The following VPS13B variants were observed in gnomAD, a reference collection of about 807,000 sequenced individuals.
VPS13B encodes the protein vacuolar protein sorting 13 homolog B.
VPS13B carries 285 observed loss-of-function variants against 426.4 expected under a neutral mutation model. That is an observed-to-expected ratio of 0.67 (90% CI 0.61 to 0.74). VPS13B has a LOEUF of 0.74. Among genes scored for constraint, VPS13B ranks in the 30% least tolerant of loss-of-function variants. The pLI is 0.00. For missense variants in VPS13B, 4,537 were observed against 4,782.6 expected, an observed-to-expected ratio of 0.95 and a Z score of 1.51; for synonymous variants, 1,676 against 1,676.4, an observed-to-expected ratio of 1.00 and a Z score of 0.01.
At chr8:99,401,195 A>G (rs936574716) in intron 21 of VPS13B, among the ~76,000 whole-genome samples, 1 of 152,156 alleles carries the variant, frequency 6.6e-6, no homozygotes, top group Non-Finnish European at 1.5e-5. Flanking sequence ...TTGCTGACAT[A>G]AGGCTAGTAA....
chr8:99,756,847 A>C (rs2130570135), intron 39 of VPS13B, among the ~76,000 whole-genome samples: 1 of 152,352 alleles, frequency 6.6e-6, no homozygotes, highest in East Asian at 1.9e-4. Context: ...ATGGCACATT[A>C]TGGGGTCTAT....
intron 23 of VPS13B, among the ~76,000 whole-genome samples, chr8:99,465,650 A>G (rs1226315203): frequency 3.9e-5 from 6 of 152,092 alleles, no homozygotes; most frequent in Admixed American, 3.3e-4. Context: ...TATAATCCGA[A>G]CTCAGTCCAA....
In VPS13B at chr8:99,662,341, A is replaced by G. The variant is rs143868838; in HGVS notation, c.6046+850A>G. Among the ~76,000 whole-genome samples, 3 of 152,168 alleles carry G rather than the reference A, an allele frequency of 2.0e-5. No homozygotes were observed. In the East Asian group the frequency reaches 5.8e-4, roughly 29 times the overall value. ...CTTAGCTATTTATTTAACAAAAATTATTACATTTCACTTTTTGTTTTGTTA... is the reference window on the plus strand; with the variant it reads ...CTTAGCTATTTATTTAACAAAAATTGTTACATTTCACTTTTTGTTTTGTTA... On this transcript the variant is annotated intron_variant, in intron 35 of 61. Transcript: ENST00000357162.
chr8:99,381,862 C>T (rs573433114), intron 19 of VPS13B, among the ~76,000 whole-genome samples: 2 of 151,724 alleles, frequency 1.3e-5, no homozygotes, highest in East Asian at 3.9e-4. Context: ...CATTTTCTCC[C>T]ATGCCATTCC....
chr8:99,763,552 G>A (rs1811056257), intron 39 of VPS13B, among the ~76,000 whole-genome samples: 2 of 152,168 alleles, frequency 1.3e-5, no homozygotes, highest in South Asian at 2.1e-4. Flanking sequence ...AATTATTTGT[G>A]TTCAGAAAAG....
At chr8:99,511,054 A>G in intron 28 of VPS13B, 50 bp from the exon 29 acceptor site, 1 of 1,601,902 alleles carries the variant, frequency 6.2e-7, no homozygotes, top group Non-Finnish European at 8.5e-7. Context: ...AATTTTTAAA[A>G]AAAATCTTTT....
chr8:99,221,527 A>G (rs1815722647), intron 17 of VPS13B, among the ~76,000 whole-genome samples: 1 of 152,248 alleles, frequency 6.6e-6, no homozygotes, highest in African/African-American at 2.4e-5. Context: ...TTTCTTATGA[A>G]TATATCTTTG....
chr8:99,447,054 A>C (rs970531798), intron 23 of VPS13B, among the ~76,000 whole-genome samples: 1 of 152,100 alleles, frequency 6.6e-6, no homozygotes, highest in African/African-American at 2.4e-5. Context: ...GTGATTGCCT[A>C]ATTCCTGCTG....
At chr8:99,286,150 T>G (rs1819430302) in intron 19 of VPS13B, among the ~76,000 whole-genome samples, 1 of 152,144 alleles carries the variant, frequency 6.6e-6, no homozygotes. Flanking sequence ...AGTTGGGAGT[T>G]CTTAACAGCA....
chr8:99,094,755 AT>A (rs1846334036), intron 3 of VPS13B, among the ~76,000 whole-genome samples: 1 of 152,206 alleles, frequency 6.6e-6, no homozygotes, highest in African/African-American at 2.4e-5. Context: ...AGTGATGATT[AT>A]TCTTTTATAT....
intron 31 of VPS13B, among the ~76,000 whole-genome samples, chr8:99,569,012 C>CG (rs574934591): frequency 6.6e-6 from 1 of 151,426 alleles, no homozygotes; most frequent in Non-Finnish European, 1.5e-5. Context: ...TTAGTAGAGA[C>CG]GGGGTCTCAC....
chr8:99,868,058 A>T (rs765911813), intron 58 of VPS13B: 22 of 511,240 alleles, frequency 4.3e-5, no homozygotes, highest in Non-Finnish European at 7.1e-5. Flanking sequence ...AACTTCACAG[A>T]TCCTGACTGT....
At chr8:99,788,643 T>G (rs1305198422) in intron 43 of VPS13B, among the ~76,000 whole-genome samples, 1 of 152,142 alleles carries the variant, frequency 6.6e-6, no homozygotes, top group Non-Finnish European at 1.5e-5. Flanking sequence ...AACGAATGAG[T>G]GTGGCTGTGT....
At chr8:99,514,911 T>C (rs1465143660) in intron 29 of VPS13B, among the ~76,000 whole-genome samples, 1 of 152,230 alleles carries the variant, frequency 6.6e-6, no homozygotes, top group African/African-American at 2.4e-5. Context: ...TGTGGTATTT[T>C]CTGAACAATG....
chr8:99,329,794 C>CT (rs1810459012), intron 19 of VPS13B, among the ~76,000 whole-genome samples: 1 of 151,946 alleles, frequency 6.6e-6, no homozygotes, highest in South Asian at 2.1e-4. Flanking sequence ...CATAGTGAAT[C>CT]TAACAGCAAA....
intron 54 of VPS13B, among the ~76,000 whole-genome samples, chr8:99,836,434 C>T (rs1016793514): frequency 1.3e-5 from 2 of 148,886 alleles, no homozygotes; most frequent in Non-Finnish European, 3.0e-5. Flanking sequence ...TCCCCTCCTC[C>T]ATCCCCTGGT....
intron 17 of VPS13B, among the ~76,000 whole-genome samples, chr8:99,194,261 T>A (rs1469650203): frequency 6.6e-6 from 1 of 151,932 alleles, no homozygotes; most frequent in African/African-American, 2.4e-5. Context: ...AGACTTAGAG[T>A]TTTCTGAACC....
intron 13 of VPS13B, among the ~76,000 whole-genome samples, chr8:99,143,425 C>T (rs551421771): frequency 3.3e-5 from 5 of 151,828 alleles, no homozygotes; most frequent in African/African-American, 7.2e-5. Context: ...GATACTTTTT[C>T]TAGTGGATAC....
intron 25 of VPS13B, among the ~76,000 whole-genome samples, chr8:99,495,428 G>C (rs1281418279): frequency 1.3e-5 from 2 of 152,062 alleles, no homozygotes; most frequent in African/African-American, 4.8e-5. Context: ...CTTCTTTAGA[G>C]TTGAATCTGA....
Sources: allele counts gnomAD v4.1 joint callset (sites outside exome capture counted in the v4.1 genomes callset), GRCh38; gene constraint gnomAD v4.1.1; transcripts MANE v1.5; gene names NCBI Gene and HGNC (gene_info 2026-07-23, HGNC 2026-07-21).